The following PLAC1 variants were observed in gnomAD, a reference collection of about 807,000 sequenced individuals.
PLAC1 encodes placenta associated 1.
For missense variants in PLAC1, 136 were observed against 163.2 expected, an observed-to-expected ratio of 0.83 and a Z score of 0.91; for synonymous variants, 68 against 62.1, an observed-to-expected ratio of 1.09 and a Z score of -0.44.
intron 2 of PLAC1, among the ~76,000 whole-genome samples, chrX:134,589,312 T>C: frequency 9.0e-6 from 1 of 111,622 alleles, no homozygotes; most frequent in Non-Finnish European, 1.9e-5. Context: ...CATCAACCCC[T>C]GGGCTCTACT....
intron 2 of PLAC1, among the ~76,000 whole-genome samples, chrX:134,676,641 A>C (rs1420705289): frequency 8.9e-6 from 1 of 112,480 alleles, no homozygotes; most frequent in Non-Finnish European, 1.9e-5. Context: ...TTTACAGAGC[A>C]CAGAATGACT....
intron 1 of PLAC1, among the ~76,000 whole-genome samples, chrX:134,743,995 C>G (rs966427643): frequency 8.9e-6 from 1 of 112,304 alleles, no homozygotes; most frequent in Non-Finnish European, 1.9e-5. Context: ...CAGAAAGATA[C>G]ATTTTGGGCC....
intron 1 of PLAC1, among the ~76,000 whole-genome samples, chrX:134,747,414 AT>A (rs1305766362): frequency 9.0e-6 from 1 of 111,690 alleles, no homozygotes; most frequent in African/African-American, 3.3e-5. Context: ...ACCCTGCTAT[AT>A]TTCGAGTTGC....
chrX:134,575,923 AAAAT>A (rs749067170), intron 2 of PLAC1, among the ~76,000 whole-genome samples: 147 of 109,185 alleles, frequency 1.3e-3, no homozygotes, highest in Non-Finnish European at 2.5e-3. Context: ...TATAATGTTA[AAAAT>A]AAATATAAAA....
chrX:134,710,471 A>G (rs947176137), intron 2 of PLAC1, among the ~76,000 whole-genome samples: 2 of 112,086 alleles, frequency 1.8e-5, no homozygotes, highest in Non-Finnish European at 3.8e-5. Context: ...TCTAGAAGGT[A>G]CATACTCTAG....
chrX:134,731,177 T>C (rs1019211973), intron 2 of PLAC1, among the ~76,000 whole-genome samples: 1 of 112,227 alleles, frequency 8.9e-6, no homozygotes, highest in Admixed American at 9.5e-5. Context: ...CAACCTATGC[T>C]CTGTGCTACA....
chrX:134,732,990 C>T (rs1256470434), intron 2 of PLAC1, among the ~76,000 whole-genome samples: 1 of 111,512 alleles, frequency 9.0e-6, no homozygotes, highest in Non-Finnish European at 1.9e-5. Context: ...TAGACACCCA[C>T]TGCTGTTTCC....
intron 2 of PLAC1, among the ~76,000 whole-genome samples, chrX:134,589,404 T>C (rs2078023354): frequency 9.0e-6 from 1 of 111,180 alleles, no homozygotes; most frequent in Admixed American, 9.6e-5. Context: ...TGCATTTTCA[T>C]GTGCAGAAGA....
chrX:134,657,686 C>T (rs2078398726), intron 1 of PLAC1, among the ~76,000 whole-genome samples: 1 of 109,614 alleles, frequency 9.1e-6, no homozygotes. Flanking sequence ...AATCTGTTTC[C>T]TCTCAGAATC....
intron 1 of PLAC1, among the ~76,000 whole-genome samples, chrX:134,615,689 T>C (rs56676647): frequency 0.022 from 2,481 of 111,834 alleles, 82 homozygotes; most frequent in African/African-American, 0.077. Context: ...TCTGCTAGGT[T>C]TTCTTCTAGC....
At chrX:134,761,185 GA>G (rs957338904) in intron 1 of PLAC1, among the ~76,000 whole-genome samples, 142 of 102,088 alleles carry the variant, frequency 1.4e-3, no homozygotes, top group Middle Eastern at 4.9e-3. Flanking sequence ...AAAATTTCAG[GA>G]AAAAAAAAAT....
intron 1 of PLAC1, among the ~76,000 whole-genome samples, chrX:134,623,759 CTGCCCTGG>C (rs1485363412): frequency 8.9e-6 from 1 of 111,751 alleles, no homozygotes; most frequent in Non-Finnish European, 1.9e-5. Context: ...GTGTTGGTTC[CTGCCCTGG>C]TTCCCGTGGC....
intron 1 of PLAC1, among the ~76,000 whole-genome samples, chrX:134,650,536 G>A (rs919980903): frequency 9.0e-6 from 1 of 111,296 alleles, no homozygotes; most frequent in African/African-American, 3.3e-5. Flanking sequence ...CTCAAAATGG[G>A]CCAAATTATA....
At chrX:134,689,846 C>T (rs1021678289) in intron 2 of PLAC1, among the ~76,000 whole-genome samples, 1 of 112,542 alleles carries the variant, frequency 8.9e-6, no homozygotes, top group Non-Finnish European at 1.9e-5. Context: ...TTTTAAAGTA[C>T]ATTTTATTGT....
At chrX:134,625,333 T>C (rs955557422) in intron 1 of PLAC1, among the ~76,000 whole-genome samples, 15 of 112,109 alleles carry the variant, frequency 1.3e-4, no homozygotes, top group Non-Finnish European at 2.3e-4. Context: ...ACTTCTAAGC[T>C]AGAAAAAACC....
intron 1 of PLAC1, among the ~76,000 whole-genome samples, chrX:134,618,135 G>T (rs1270951669): frequency 8.9e-6 from 1 of 111,840 alleles, no homozygotes; most frequent in Admixed American, 9.5e-5. Context: ...ATGGTTTCAG[G>T]GCTCCTCAAC....
intron 1 of PLAC1, among the ~76,000 whole-genome samples, chrX:134,637,155 C>A (rs751867594): frequency 4.5e-5 from 5 of 112,049 alleles, no homozygotes; most frequent in Admixed American, 9.4e-5. Flanking sequence ...GGCAACCCAG[C>A]GCTCACATGG....
chrX:134,598,923 T>C (rs890719544), intron 2 of PLAC1, among the ~76,000 whole-genome samples: 1 of 111,642 alleles, frequency 9.0e-6, no homozygotes, highest in African/African-American at 3.3e-5. Flanking sequence ...TATTTGGAGC[T>C]GAAGGAAAGA....
chrX:134,645,939 A>C (rs752435906), intron 1 of PLAC1, among the ~76,000 whole-genome samples: 3 of 111,654 alleles, frequency 2.7e-5, no homozygotes, highest in African/African-American at 9.8e-5. Flanking sequence ...TTCCCTTTAC[A>C]TACGGTTGGA....
Sources: allele counts gnomAD v4.1 joint callset (sites outside exome capture counted in the v4.1 genomes callset), GRCh38; gene constraint gnomAD v4.1.1; transcripts MANE v1.5; gene names NCBI Gene and HGNC (gene_info 2026-07-23, HGNC 2026-07-21).